Variants in IQCJ observed in about 807,000 individuals in gnomAD.
IQCJ encodes IQ motif containing J, also known as IQ domain-containing protein J.
IQCJ carries 9 observed loss-of-function variants against 11.0 expected under a neutral mutation model. The ratio of observed to expected loss-of-function variants is 0.82; its 90% confidence interval spans 0.49 to 1.43. IQCJ has a LOEUF of 1.43. IQCJ is among the 40% of genes most tolerant of loss of function. The pLI is 0.00. For missense variants in IQCJ, 146 were observed against 133.2 expected, an observed-to-expected ratio of 1.10 and a Z score of -0.47; for synonymous variants, 55 against 51.3, an observed-to-expected ratio of 1.07 and a Z score of -0.31.
intron 1 of IQCJ, among the ~76,000 whole-genome samples, chr3:159,221,346 G>A (rs1725532468): frequency 6.6e-6 from 1 of 152,088 alleles, no homozygotes; most frequent in Non-Finnish European, 1.5e-5. Context: ...AAAGTTCCAG[G>A]CCTCATTCGT....
At chr3:159,129,733 A>G (rs1380531086) in intron 1 of IQCJ, among the ~76,000 whole-genome samples, 1 of 152,216 alleles carries the variant, frequency 6.6e-6, no homozygotes, top group African/African-American at 2.4e-5. Context: ...GAACTAATAT[A>G]CATTATCCCT....
intron 1 of IQCJ, among the ~76,000 whole-genome samples, chr3:159,231,717 C>A (rs1726260495): frequency 6.6e-6 from 1 of 152,254 alleles, no homozygotes; most frequent in South Asian, 2.1e-4. Flanking sequence ...ACCAGATCCT[C>A]TTTGTACCTC....
At chr3:159,188,063 G>A (rs1482967672) in intron 1 of IQCJ, among the ~76,000 whole-genome samples, 2 of 152,120 alleles carry the variant, frequency 1.3e-5, no homozygotes, top group Non-Finnish European at 2.9e-5. Flanking sequence ...AATAGTTATG[G>A]ATGCCTCTGC....
At chr3:159,249,414 C>G (rs1449118097) in intron 2 of IQCJ, among the ~76,000 whole-genome samples, 1 of 151,936 alleles carries the variant, frequency 6.6e-6, no homozygotes, top group East Asian at 1.9e-4. Context: ...TTTTTTCAAT[C>G]CCGATTGAGG....
At chr3:159,203,040 G>C (rs939524274) in intron 1 of IQCJ, among the ~76,000 whole-genome samples, 1 of 151,844 alleles carries the variant, frequency 6.6e-6, no homozygotes, top group Admixed American at 6.6e-5. Flanking sequence ...ACCCATACCT[G>C]ATAACTGTTA....
chr3:159,243,588 CAG>C (rs1727064015), intron 1 of IQCJ, among the ~76,000 whole-genome samples: 1 of 152,156 alleles, frequency 6.6e-6, no homozygotes, highest in African/African-American at 2.4e-5. Context: ...GAAATCAGAA[CAG>C]GGGTGCCTTT....
chr3:159,088,480 T>G lies in IQCJ; in HGVS notation c.9+19039T>G, dbSNP rs964695523. Among the ~76,000 whole-genome samples, 469 of 152,220 alleles carry G rather than the reference T, an allele frequency of 3.1e-3. 1 individual carries two copies. Among genetic ancestry groups the G allele is most frequent in the Non-Finnish European group, 4.6e-3 (315 of 68,004 alleles). On this transcript the variant is annotated intron_variant, in intron 1 of 3. Transcript: ENST00000397832. ...TTCAATTCCTGGGTATCCTTGTTGATTTTCTGTCTCATTGATCTGTCTAAT... is the reference window on the plus strand; with the variant it reads ...TTCAATTCCTGGGTATCCTTGTTGAGTTTCTGTCTCATTGATCTGTCTAAT...
chr3:159,177,559 G>A (rs1331777850), intron 1 of IQCJ, among the ~76,000 whole-genome samples: 1 of 152,106 alleles, frequency 6.6e-6, no homozygotes, highest in South Asian at 2.1e-4. Context: ...GATGGAAACC[G>A]AAATTCACAC....
intron 1 of IQCJ, among the ~76,000 whole-genome samples, chr3:159,196,901 C>T (rs1014904904): frequency 1.3e-5 from 2 of 152,118 alleles, no homozygotes; most frequent in African/African-American, 4.8e-5. Flanking sequence ...TAGATATCGC[C>T]ATCCATTGCT....
At chr3:159,101,971 T>C (rs140670456) in intron 1 of IQCJ, among the ~76,000 whole-genome samples, 1 of 152,366 alleles carries the variant, frequency 6.6e-6, no homozygotes, top group African/African-American at 2.4e-5. Flanking sequence ...ACTGAGGTGT[T>C]TGACTGCTTT....
chr3:159,072,851 A>G (rs1214631120), intron 1 of IQCJ, among the ~76,000 whole-genome samples: 1 of 152,084 alleles, frequency 6.6e-6, no homozygotes, highest in Non-Finnish European at 1.5e-5. Context: ...CAGATTCTAG[A>G]GCCCAGCCTT....
downstream of IQCJ, among the ~76,000 whole-genome samples, chr3:159,264,271 A>C (rs1043561465): frequency 1.3e-5 from 2 of 152,190 alleles, no homozygotes; most frequent in African/African-American, 4.8e-5. Context: ...TCCTATGAGA[A>C]TATATGTTTG....
intron 1 of IQCJ, among the ~76,000 whole-genome samples, chr3:159,227,969 T>C (rs1319518887): frequency 6.6e-6 from 1 of 152,188 alleles, no homozygotes; most frequent in Non-Finnish European, 1.5e-5. Context: ...GTCATCAGGC[T>C]GGGGATGAGA....
At chr3:159,218,586 G>A (rs748054952) in intron 1 of IQCJ, among the ~76,000 whole-genome samples, 3 of 152,080 alleles carry the variant, frequency 2.0e-5, no homozygotes, top group Admixed American at 6.5e-5. Flanking sequence ...TAATTGGACC[G>A]TTTGAAACTC....
chr3:159,078,242 T>C (rs188647461), intron 1 of IQCJ, among the ~76,000 whole-genome samples: 1 of 150,530 alleles, frequency 6.6e-6, no homozygotes, highest in Non-Finnish European at 1.5e-5. Flanking sequence ...CATTAAGGTT[T>C]GTCTGTATTT....
At chr3:159,127,051 G>A (rs1177910298) in intron 1 of IQCJ, among the ~76,000 whole-genome samples, 12 of 152,300 alleles carry the variant, frequency 7.9e-5, no homozygotes, top group Non-Finnish European at 1.8e-4. Context: ...ACAGATTAGG[G>A]AGCACAGAGG....
chr3:159,241,104 G>T (rs1021583633), intron 1 of IQCJ, among the ~76,000 whole-genome samples: 1 of 151,328 alleles, frequency 6.6e-6, no homozygotes, highest in African/African-American at 2.4e-5. Flanking sequence ...AACTGAAAGT[G>T]TTTTTTTTAA....
intron 1 of IQCJ, among the ~76,000 whole-genome samples, chr3:159,089,642 C>T (rs1297029192): frequency 6.6e-6 from 1 of 151,586 alleles, no homozygotes; most frequent in Non-Finnish European, 1.5e-5. Context: ...TTTCTCTAAA[C>T]TTCCCTTCTC....
intron 1 of IQCJ, among the ~76,000 whole-genome samples, chr3:159,143,734 T>G (rs557268410): frequency 6.6e-6 from 1 of 152,246 alleles, no homozygotes; most frequent in Non-Finnish European, 1.5e-5. Flanking sequence ...CAACTCTTTC[T>G]GTGCTTCACA....
Sources: allele counts gnomAD v4.1 joint callset (sites outside exome capture counted in the v4.1 genomes callset), GRCh38; gene constraint gnomAD v4.1.1; transcripts MANE v1.5; gene names NCBI Gene and HGNC (gene_info 2026-07-23, HGNC 2026-07-21).